ADCY9: variants seen among roughly 807,000 people sequenced by gnomAD.
The protein encoded by ADCY9 is adenylate cyclase type 9.
ADCY9 carries 50 observed loss-of-function variants against 101.5 expected under a neutral mutation model. That is an observed-to-expected ratio of 0.49 (90% CI 0.39 to 0.62). ADCY9 has a LOEUF of 0.62. Ranked by LOEUF, ADCY9 falls within the 20% of genes least tolerant of loss-of-function variation. The probability of loss-of-function intolerance (pLI) is 0.00; values close to 1 mark genes in which losing one functional copy is unlikely to be tolerated. For missense variants in ADCY9, 1,662 were observed against 1,800.4 expected (o/e 0.92, Z 1.39); for synonymous variants, 905 against 769.3 (o/e 1.18, Z -2.92).
chr16:4,110,440 G>T (rs905969444), intron 2 of ADCY9, among the ~76,000 whole-genome samples: 10 of 145,588 alleles, frequency 6.9e-5, no homozygotes, highest in Non-Finnish European at 1.5e-5. Flanking sequence ...CCAGGCTGGA[G>T]TGCAGTGGAC....
intron 3 of ADCY9, among the ~76,000 whole-genome samples, chr16:3,998,671 T>C (rs1380824346): frequency 8.3e-6 from 1 of 119,786 alleles, no homozygotes; most frequent in Non-Finnish European, 1.6e-5. Flanking sequence ...ATGGTGCCAC[T>C]GCACTCCAGC....
At chr16:4,022,386 G>A (rs1258344127) in intron 2 of ADCY9, among the ~76,000 whole-genome samples, 1 of 151,478 alleles carries the variant, frequency 6.6e-6, no homozygotes, top group East Asian at 1.9e-4. Flanking sequence ...AGTTCCTCAG[G>A]AGGCTGAGGC....
intron 2 of ADCY9, among the ~76,000 whole-genome samples, chr16:4,044,486 G>A (rs1265994054): frequency 2.6e-5 from 4 of 152,042 alleles, no homozygotes; most frequent in Admixed American, 6.6e-5. Context: ...ATCAAAAAAA[G>A]GCTTCCCATA....
chr16:4,072,292 T>C (rs1412543181), intron 2 of ADCY9, among the ~76,000 whole-genome samples: 2 of 152,238 alleles, frequency 1.3e-5, no homozygotes, highest in Non-Finnish European at 2.9e-5. Flanking sequence ...TCGTGGATGC[T>C]ACTCCGCCAT....
rs1483770922 is a variant in ADCY9, at chr16:3,966,663, C to T, written c.3174G>A (p.Gly1058=). ...AGTTGACGATGCTGGCGAAGATCAC[C>T]CCTCCGCTGTCATGGTTCTTGGAGT... The part of the protein sequence containing the change: ...QTYSKNHDSG[G]VIFASIVNFS... The change falls in exon 11 of 11, where the codon GGG becomes GGA. Residue 1058 remains glycine, a synonymous_variant. Coordinates refer to ENST00000294016, the MANE Select transcript of ADCY9 (RefSeq NM_001116.4). The T allele has an allele frequency of 6.2e-7, 1 of 1,614,028 alleles. No homozygotes were observed. Among genetic ancestry groups the T allele is most frequent in the African/African-American group, 1.3e-5 (1 of 74,924 alleles).
intron 2 of ADCY9, among the ~76,000 whole-genome samples, chr16:4,101,010 C>T (rs1424443430): frequency 2.0e-5 from 3 of 152,206 alleles, no homozygotes; most frequent in Non-Finnish European, 2.9e-5. Context: ...CTCTTCTCTA[C>T]TGACAGGTAT....
chr16:4,041,859 T>G (rs980600747), intron 2 of ADCY9, among the ~76,000 whole-genome samples: 1 of 150,880 alleles, frequency 6.6e-6, no homozygotes, highest in Admixed American at 6.6e-5. Flanking sequence ...CCAAGCCATC[T>G]TCCCACCTCG....
intron 2 of ADCY9, among the ~76,000 whole-genome samples, chr16:4,065,688 C>T (rs1401026540): frequency 6.6e-6 from 1 of 152,234 alleles, no homozygotes; most frequent in South Asian, 2.1e-4. Context: ...TCTGCCTCAG[C>T]CTCCCGAACA....
chr16:4,062,169 T>C (rs555912353), intron 2 of ADCY9, among the ~76,000 whole-genome samples: 106 of 152,222 alleles, frequency 7.0e-4, no homozygotes, highest in African/African-American at 2.4e-3. Flanking sequence ...TTAAAAGCTA[T>C]ATATAGATCT....
rs779019785 is a variant in ADCY9 at position 3,992,113 on chromosome 16, C to T, written c.2207+33G>A. On this transcript the variant is annotated intron_variant, in intron 5 of 10. Transcript: ENST00000294016. This position sits in a 1 kb window ranked among gnomAD's most constrained non-coding sequence, Gnocchi z 4.2. Reference sequence around the variant, plus strand: ...AAGGCAGAGAGGCTTCTGCCTGCAACCTTTGCTTTTTCCCAGACAGCCCCA... The same window carrying T: ...AAGGCAGAGAGGCTTCTGCCTGCAATCTTTGCTTTTTCCCAGACAGCCCCA... The T allele has an allele frequency of 1.0e-5, 16 of 1,604,110 alleles. No homozygotes were observed. The highest frequency in any genetic ancestry group is 1.7e-4 in the Middle Eastern group (1 of 5,904).
rs530420293 is a variant in ADCY9, at chr16:4,071,332, C to CA, written c.1693+42417dup. On this transcript the variant is annotated intron_variant, in intron 2 of 10. Coordinates refer to ENST00000294016, the MANE Select transcript of ADCY9 (RefSeq NM_001116.4). ...GGCAACAAAAGCGAAACTCAGTCTCCAAAAAAAAAAAAAAAAAAAAAAAAA... is the reference window on the plus strand; with the variant it reads ...GGCAACAAAAGCGAAACTCAGTCTCCAAAAAAAAAAAAAAAAAAAAAAAAAA... 4.5e-3 allele frequency among the ~76,000 whole-genome samples: 317 copies of CA among 70,436 alleles called. 9 individuals are homozygous for CA. The highest frequency in any genetic ancestry group is 0.018 in the Admixed American group (83 of 4,642). 46.2% of individuals were successfully genotyped at this position (70,436 alleles called of 152,430 possible). A position where few individuals can be genotyped will look rare whatever the true frequency, so the allele number is the denominator to read the frequency against.
chr16:4,026,800 G>C (rs930314754), intron 2 of ADCY9, among the ~76,000 whole-genome samples: 3 of 152,206 alleles, frequency 2.0e-5, no homozygotes, highest in Non-Finnish European at 4.4e-5. Flanking sequence ...CAAAACTACA[G>C]GGAATGGATA....
rs71133679 is a variant in ADCY9, at chr16:3,998,749, G to GAAAGAAAAGAAAAGA, written c.1885-5254_1885-5240dup. 3.6e-3 allele frequency among the ~76,000 whole-genome samples: 322 copies of GAAAGAAAAGAAAAGA among 89,744 alleles called. 3 individuals carry two copies. The highest frequency in any genetic ancestry group is 7.8e-3 in the Admixed American group (55 of 7,034). 58.9% of individuals were successfully genotyped at this position (89,744 alleles called of 152,430 possible). On this transcript the variant is annotated intron_variant, in intron 3 of 10. Coordinates refer to ENST00000294016, the MANE Select transcript of ADCY9 (RefSeq NM_001116.4). ...AAAAAAAAAAAAGAAAAGAAAGAAAGAAAGAAAAGAAAAGAAAAGAAAAGA... is the reference window on the plus strand; with the variant it reads ...AAAAAAAAAAAAGAAAAGAAAGAAAGAAAGAAAAGAAAAGAAAAGAAAAGAAAAGAAAAGAAAAGA...
intron 2 of ADCY9, among the ~76,000 whole-genome samples, chr16:4,106,724 C>T (rs965277488): frequency 5.9e-5 from 9 of 152,250 alleles, no homozygotes; most frequent in African/African-American, 2.2e-4. Flanking sequence ...CCCACGCAGG[C>T]TTCTGCACAC....
At chr16:4,049,239 A>G (rs1279240946) in intron 2 of ADCY9, among the ~76,000 whole-genome samples, 2 of 152,172 alleles carry the variant, frequency 1.3e-5, no homozygotes, top group Non-Finnish European at 2.9e-5. Flanking sequence ...CCTGCTTTCC[A>G]TTGCTGTACA....
intron 10 of ADCY9, among the ~76,000 whole-genome samples, chr16:3,969,027 C>T (rs142924357): frequency 3.3e-5 from 5 of 152,006 alleles, no homozygotes; most frequent in African/African-American, 4.8e-5. Context: ...TGTACTTTTA[C>T]TAGAGACAGG....
intron 2 of ADCY9, among the ~76,000 whole-genome samples, chr16:4,008,566 C>G (rs1041158218): frequency 6.6e-6 from 1 of 151,508 alleles, no homozygotes; most frequent in Non-Finnish European, 1.5e-5. Flanking sequence ...AAAGCAGGGT[C>G]CCTTCTTTTT....
Position 3,977,586 on chromosome 16 carries a change from G to A in ADCY9, c.2724C>T (p.His908=). The change falls in exon 9 of 11, where the codon CAC becomes CAT. Residue 908 remains histidine, a synonymous_variant. Coordinates refer to ENST00000294016, the MANE Select transcript of ADCY9 (RefSeq NM_001116.4). ...AGCTGAGCTGGCAGAAGTTACAGTA[G>A]TGCACGACGGCAATCAGCGCGGCCG... is the stretch of plus-strand genomic sequence containing the variant. The part of the protein sequence containing the change: ...TGSAALIAVV[H]YCNFCQLSSW... 1 of 1,612,274 alleles carries A rather than the reference G, an allele frequency of 6.2e-7. No homozygotes were observed. The highest frequency in any genetic ancestry group is 2.2e-5 in the East Asian group (1 of 44,840).
chr16:3,987,825 C>G (rs1218341667), intron 6 of ADCY9, among the ~76,000 whole-genome samples: 1 of 152,078 alleles, frequency 6.6e-6, no homozygotes, highest in Non-Finnish European at 1.5e-5. Flanking sequence ...GGGAGGGCAT[C>G]CACTCTTGAC....
Sources: allele counts gnomAD v4.1 joint callset (sites outside exome capture counted in the v4.1 genomes callset), GRCh38; gene constraint gnomAD v4.1.1; non-coding constraint Gnocchi (gnomAD v3.1); transcripts MANE v1.5; gene names NCBI Gene and HGNC (gene_info 2026-07-23, HGNC 2026-07-21).